Variants in ZNF521 observed in about 807,000 individuals in gnomAD.
The protein encoded by ZNF521 is LYST-interacting protein 3.
A neutral mutation model predicts 105.5 loss-of-function variants in ZNF521; 14 were observed. The ratio of observed to expected loss-of-function variants is 0.13; its 90% CI spans 0.09 to 0.21. The LOEUF (loss-of-function observed/expected upper bound fraction) is 0.21. Among genes scored for constraint, ZNF521 ranks in the 10% least tolerant of loss-of-function variants. The probability of loss-of-function intolerance (pLI) is 1.00; values close to 1 mark genes in which losing one functional copy is unlikely to be tolerated. For missense variants in ZNF521, 1,233 were observed against 1,629.7 expected (o/e 0.76, Z 4.19); for synonymous variants, 635 against 606.0 (o/e 1.05, Z -0.70).
chr18:25,181,756 G>A (rs1034545548), intron 5 of ZNF521, among the ~76,000 whole-genome samples: 2 of 152,280 alleles, frequency 1.3e-5, no homozygotes, highest in East Asian at 3.9e-4. Context: ...CTCATATAAA[G>A]GACTGTCGTC....
intron 3 of ZNF521, among the ~76,000 whole-genome samples, chr18:25,278,499 C>G (rs1910175577): frequency 6.6e-6 from 1 of 152,178 alleles, no homozygotes; most frequent in Admixed American, 6.5e-5. Flanking sequence ...ATGCCTCGAA[C>G]AGCCGCCACT....
Position 25,226,715 on chromosome 18 carries a change from T to C in ZNF521, c.1203A>G (p.Ala401=). The C allele has an allele frequency of 6.2e-7, 1 of 1,614,178 alleles. No individual in the cohort carries two copies. The part of the protein sequence containing the change: ...PDMTGPSSKQ[A]KVTYSCIYCN... ...AGTAAATACAGCTGTAGGTAACTTTTGCTTGTTTACTCGAGGGACCAGTCA... is the reference window on the plus strand; with the variant it reads ...AGTAAATACAGCTGTAGGTAACTTTCGCTTGTTTACTCGAGGGACCAGTCA... The change falls in exon 4 of 8, where the codon GCA becomes GCG. Residue 401 remains alanine, a synonymous_variant. Coordinates refer to ENST00000361524, the MANE Select transcript of ZNF521 (RefSeq NM_015461.3). The surrounding 1 kb of genome is among the most constrained non-coding windows in gnomAD (Gnocchi z 4.1).
chr18:25,106,650 G>A lies in ZNF521; in HGVS notation c.3659-14569C>T, dbSNP rs9957575. 1.2e-3 allele frequency among the ~76,000 whole-genome samples: 185 copies of A among 152,190 alleles called. 1 individual carries two copies. The highest frequency in any genetic ancestry group is 4.2e-3 in the African/African-American group (175 of 41,530). On this transcript the variant is annotated intron_variant, in intron 5 of 7. Transcript: ENST00000361524. ...CCCAATATATAAGAAAGCAGGTCAC[G>A]AATGCAATTAAGCCTGCTTGTGTGT...
chr18:25,083,877 C>A (rs1360249768), intron 7 of ZNF521, among the ~76,000 whole-genome samples: 1 of 150,746 alleles, frequency 6.6e-6, no homozygotes, highest in East Asian at 1.9e-4. Flanking sequence ...TTCAGGTGAT[C>A]CTCCCACCTC....
chr18:25,327,930 A>G (rs1913328512), intron 2 of ZNF521, among the ~76,000 whole-genome samples: 2 of 152,128 alleles, frequency 1.3e-5, no homozygotes, highest in Non-Finnish European at 2.9e-5. Context: ...CATCCCCGGA[A>G]CCACATCGGC....
rs10540123 is a variant in ZNF521 at position 25,062,752 on chromosome 18, C to CAAAAAAAAAAAAAAAAAAAAAAAA, written c.3907-35_3907-12dup. 8.2e-6 allele frequency: 3 copies of CAAAAAAAAAAAAAAAAAAAAAAAA among 365,036 alleles called. No individual in the cohort carries two copies. Among genetic ancestry groups the CAAAAAAAAAAAAAAAAAAAAAAAA allele is most frequent in the Non-Finnish European group, 8.4e-6 (2 of 237,582 alleles). 22.6% of individuals were successfully genotyped at this position (365,036 alleles called of 1,614,324 possible). A position where few individuals can be genotyped will look rare whatever the true frequency, so the allele number is the denominator to read the frequency against. On this transcript the variant is annotated splice_polypyrimidine_tract_variant and intron_variant, in intron 7 of 7. Coordinates refer to ENST00000361524, the MANE Select transcript of ZNF521 (RefSeq NM_015461.3). ...GGTCATTGTATGATTCTGTAAATAA[C>CAAAAAAAAAAAAAAAAAAAAAAAA]AAAAAAAAAAAAAAAAAAAAAAAAA...
chr18:25,319,450 G>C (rs144983458), intron 3 of ZNF521, among the ~76,000 whole-genome samples: 49 of 152,178 alleles, frequency 3.2e-4, no homozygotes, highest in African/African-American at 1.2e-3. Context: ...CAAAAAGTTA[G>C]CTGGGCATGG....
intron 2 of ZNF521, among the ~76,000 whole-genome samples, chr18:25,328,718 A>C (rs1414536899): frequency 6.6e-6 from 1 of 151,812 alleles, no homozygotes; most frequent in East Asian, 1.9e-4. Context: ...ATGCCTGGCT[A>C]ATTTTTTGTA....
At chr18:25,276,717 G>A (rs936912447) in intron 3 of ZNF521, among the ~76,000 whole-genome samples, 25 of 152,118 alleles carry the variant, frequency 1.6e-4, no homozygotes, top group Non-Finnish European at 2.9e-4. Context: ...CCAAAGCCTC[G>A]TTCATATGCG....
intron 5 of ZNF521, among the ~76,000 whole-genome samples, chr18:25,132,635 T>G (rs1391884706): frequency 6.6e-6 from 1 of 152,156 alleles, no homozygotes; most frequent in African/African-American, 2.4e-5. Flanking sequence ...GAACCCAGAT[T>G]TTAAAAAGTA....
At chr18:25,259,631 G>A (rs1016011698) in intron 3 of ZNF521, among the ~76,000 whole-genome samples, 3 of 152,070 alleles carry the variant, frequency 2.0e-5, no homozygotes, top group African/African-American at 4.8e-5. Flanking sequence ...ATTTCAAGAC[G>A]ATCATTCCAT....
At chr18:25,338,377 T>C (rs1029013425) in intron 2 of ZNF521, among the ~76,000 whole-genome samples, 3 of 151,700 alleles carry the variant, frequency 2.0e-5, no homozygotes, top group Admixed American at 2.0e-4. Flanking sequence ...CTAGTAGACA[T>C]ATTACTGTTT....
At chr18:25,335,051 A>C (rs1228616742) in intron 2 of ZNF521, among the ~76,000 whole-genome samples, 1 of 152,088 alleles carries the variant, frequency 6.6e-6, no homozygotes, top group Non-Finnish European at 1.5e-5. Flanking sequence ...CCTTGTGTCT[A>C]CTCATTGTGA....
chr18:25,167,543 CTTG>C (rs2035366669), intron 5 of ZNF521, among the ~76,000 whole-genome samples: 1 of 152,106 alleles, frequency 6.6e-6, no homozygotes, highest in Non-Finnish European at 1.5e-5. Context: ...AAGGTGGATG[CTTG>C]TTATTTTTGA....
intron 4 of ZNF521, among the ~76,000 whole-genome samples, chr18:25,222,144 G>A (rs1034487967): frequency 2.6e-5 from 4 of 152,090 alleles, no homozygotes; most frequent in African/African-American, 4.8e-5. Context: ...GGAGGTACTC[G>A]ACTGCATAGT....
intron 7 of ZNF521, among the ~76,000 whole-genome samples, chr18:25,080,394 C>T (rs2033467685): frequency 6.6e-6 from 1 of 152,210 alleles, no homozygotes; most frequent in African/African-American, 2.4e-5. Flanking sequence ...TTACAGAACA[C>T]TACTCTCTCT....
intron 2 of ZNF521, among the ~76,000 whole-genome samples, chr18:25,335,781 T>C (rs1913842261): frequency 6.6e-6 from 1 of 152,154 alleles, no homozygotes; most frequent in African/African-American, 2.4e-5. Flanking sequence ...AGTTTACATT[T>C]AGTTAAAGTT....
intron 5 of ZNF521, among the ~76,000 whole-genome samples, chr18:25,156,039 G>A (rs1474393436): frequency 6.6e-6 from 1 of 152,148 alleles, no homozygotes; most frequent in African/African-American, 2.4e-5. Flanking sequence ...TACAACATAA[G>A]GACTATAGTT....
chr18:25,223,243 A>G (rs1905852831), intron 4 of ZNF521, among the ~76,000 whole-genome samples: 1 of 152,202 alleles, frequency 6.6e-6, no homozygotes, highest in Admixed American at 6.5e-5. Flanking sequence ...GTGCAGATTT[A>G]CTTGGGGAGG....
Sources: gnomAD v4.1 joint callset for allele counts (sites outside exome capture counted in the v4.1 genomes callset) on GRCh38, gnomAD v4.1.1 for gene constraint, Gnocchi (gnomAD v3.1) non-coding constraint, MANE v1.5 for transcripts, NCBI Gene and HGNC (gene_info 2026-07-23, HGNC 2026-07-21) for gene names.